Variants in FAM107B observed in about 807,000 individuals in gnomAD.
FAM107B encodes the protein family with sequence similarity 107 member B, also known as protein FAM107B.
In FAM107B, 21 loss-of-function variants were observed where a neutral mutation model predicts 31.5. The ratio of observed to expected loss-of-function variants is 0.67; its 90% CI spans 0.47 to 0.96. The LOEUF (loss-of-function observed/expected upper bound fraction) is 0.96. Among genes scored for constraint, FAM107B ranks in the 40% least tolerant of loss-of-function variants. The probability of loss-of-function intolerance (pLI) is 0.00; values close to 1 mark genes in which losing one functional copy is unlikely to be tolerated. For synonymous variants in FAM107B, 157 were observed against 141.5 expected (o/e 1.11, Z -0.78); for missense variants, 452 against 377.1 (o/e 1.20, Z -1.64).
At chr10:14,593,896 T>C (rs1327421000) in intron 2 of FAM107B, among the ~76,000 whole-genome samples, 10 of 152,168 alleles carry the variant, frequency 6.6e-5, no homozygotes, top group Non-Finnish European at 2.9e-5. Context: ...ACCGTTTAGA[T>C]ATAGAACTGT....
At chr10:14,721,945 C>T (rs1241423070) in intron 1 of FAM107B, among the ~76,000 whole-genome samples, 1 of 152,220 alleles carries the variant, frequency 6.6e-6, no homozygotes, top group African/African-American at 2.4e-5. Flanking sequence ...AATGGTATTG[C>T]CTAGGTTTTC....
intron 1 of FAM107B, among the ~76,000 whole-genome samples, chr10:14,738,411 A>C (rs1856359770): frequency 6.6e-6 from 1 of 152,160 alleles, no homozygotes; most frequent in South Asian, 2.1e-4. Flanking sequence ...GGTGTAACTG[A>C]TAGTTGTCTT....
chr10:14,758,514 T>A (rs769336645), intron 1 of FAM107B, among the ~76,000 whole-genome samples: 7 of 152,084 alleles, frequency 4.6e-5, no homozygotes, highest in Non-Finnish European at 1.0e-4. Context: ...TCTGGGGTGT[T>A]AGCATTAATA....
At chr10:14,621,634 T>C (rs553520022) in intron 2 of FAM107B, among the ~76,000 whole-genome samples, 3 of 152,232 alleles carry the variant, frequency 2.0e-5, no homozygotes, top group Non-Finnish European at 4.4e-5. Flanking sequence ...ACAGGATACA[T>C]GGCCCTGAGA....
intron 1 of FAM107B, among the ~76,000 whole-genome samples, chr10:14,767,055 TAGAGAGAGAGAGAGAGAG>T (rs1186875187): frequency 3.8e-4 from 7 of 18,274 alleles, no homozygotes; most frequent in African/African-American, 1.1e-3. Context: ...TATATATATA[TAGAGAGAGAGAGAGAGAG>T]AGAGAGAGAG....
intron 2 of FAM107B, among the ~76,000 whole-genome samples, chr10:14,534,307 G>A (rs1356674157): frequency 6.6e-6 from 1 of 152,106 alleles, no homozygotes; most frequent in Non-Finnish European, 1.5e-5. Flanking sequence ...TTTGTACTCA[G>A]GGCAGTGGTG....
intron 2 of FAM107B, among the ~76,000 whole-genome samples, chr10:14,548,088 G>A (rs1409726925): frequency 6.6e-6 from 1 of 152,230 alleles, no homozygotes; most frequent in East Asian, 1.9e-4. Context: ...AAGGAGTAAA[G>A]CAACAGCTGT....
chr10:14,648,517 G>A (rs146624215), intron 2 of FAM107B, among the ~76,000 whole-genome samples: 3 of 152,316 alleles, frequency 2.0e-5, no homozygotes, highest in African/African-American at 4.8e-5. Flanking sequence ...AAGCTCAGAC[G>A]TCATGGTAAC....
rs1331691153 is a variant in FAM107B, at chr10:14,636,046, T to C, written c.469+31588A>G. Among the ~76,000 whole-genome samples, 4 of 152,162 alleles carry C rather than the reference T, an allele frequency of 2.6e-5. No homozygotes were observed. The East Asian group carries it at 7.7e-4, about 29-fold the overall frequency. On this transcript the variant is annotated intron_variant, in intron 2 of 4. Transcript: ENST00000181796. ...ACAAATAATACCATGACTTGTCTTA[T>C]TGCTTCTATGAGAAAATGTGTTCCA...
chr10:14,596,219 T>G (rs573581693), intron 2 of FAM107B, among the ~76,000 whole-genome samples: 2 of 151,000 alleles, frequency 1.3e-5, no homozygotes, highest in East Asian at 4.0e-4. Context: ...CGGAGGAGCC[T>G]CATCCTAATA....
chr10:14,684,488 C>T (rs979606110), intron 1 of FAM107B, among the ~76,000 whole-genome samples: 1 of 152,078 alleles, frequency 6.6e-6, no homozygotes, highest in Non-Finnish European at 1.5e-5. Context: ...AAAATGGCAA[C>T]AATTCCATTC....
At chr10:14,546,071 C>T (rs1425951409) in intron 2 of FAM107B, among the ~76,000 whole-genome samples, 2 of 152,206 alleles carry the variant, frequency 1.3e-5, no homozygotes, top group East Asian at 3.8e-4. Flanking sequence ...GCCAAACAAA[C>T]TAATACTTTC....
intron 1 of FAM107B, among the ~76,000 whole-genome samples, chr10:14,670,973 C>A (rs1166196563): frequency 6.6e-6 from 1 of 152,198 alleles, no homozygotes; most frequent in African/African-American, 2.4e-5. Context: ...AATAAAATGA[C>A]AACAGTCCAA....
intron 1 of FAM107B, among the ~76,000 whole-genome samples, chr10:14,733,126 A>T (rs1327603502): frequency 6.7e-6 from 1 of 150,088 alleles, no homozygotes; most frequent in African/African-American, 2.4e-5. Context: ...ATTTTTATAT[A>T]TGTTAAAATA....
At chr10:14,577,558 G>A (rs1360380240) in intron 2 of FAM107B, among the ~76,000 whole-genome samples, 1 of 152,192 alleles carries the variant, frequency 6.6e-6, no homozygotes, top group East Asian at 1.9e-4. Context: ...ATTTCCGAAG[G>A]TATACAGATC....
intron 1 of FAM107B, among the ~76,000 whole-genome samples, chr10:14,750,829 G>A (rs1322694775): frequency 6.6e-6 from 1 of 152,170 alleles, no homozygotes; most frequent in African/African-American, 2.4e-5. Context: ...TTCTAGACGG[G>A]AAGGGGGCTC....
chr10:14,598,495 T>C (rs541215586), intron 2 of FAM107B, among the ~76,000 whole-genome samples: 1 of 152,204 alleles, frequency 6.6e-6, no homozygotes, highest in African/African-American at 2.4e-5. Context: ...AGCATCTAAG[T>C]AGCTAAACTC....
intron 2 of FAM107B, among the ~76,000 whole-genome samples, chr10:14,655,473 G>T (rs971262641): frequency 6.6e-6 from 1 of 152,138 alleles, no homozygotes; most frequent in African/African-American, 2.4e-5. Flanking sequence ...AGGCTGGAGC[G>T]CAGTGGCGCA....
chr10:14,674,827 C>T (rs569466813), intron 1 of FAM107B, among the ~76,000 whole-genome samples: 2 of 152,084 alleles, frequency 1.3e-5, no homozygotes, highest in African/African-American at 4.8e-5. Context: ...TTCAACCTCC[C>T]GGGTTCAAGT....
Sources: gnomAD v4.1 joint callset for allele counts (sites outside exome capture counted in the v4.1 genomes callset) on GRCh38, gnomAD v4.1.1 for gene constraint, MANE v1.5 for transcripts, NCBI Gene and HGNC (gene_info 2026-07-23, HGNC 2026-07-21) for gene names.